CDH4: variants seen among roughly 807,000 people sequenced by gnomAD.
CDH4 encodes the protein cadherin-4.
Under a neutral mutation model 86.0 loss-of-function variants are expected in CDH4, and 33 were observed. That is an observed-to-expected ratio of 0.38 (90% confidence interval 0.29 to 0.51). CDH4 has a LOEUF of 0.51. Ranked by LOEUF, CDH4 falls within the 20% of genes least tolerant of loss-of-function variation. The pLI is 0.86. For missense variants in CDH4, 1,114 were observed against 1,307.4 expected (o/e 0.85, Z 2.28); for synonymous variants, 555 against 549.4 (o/e 1.01, Z -0.14).
chr20:61,752,329 C>CAAAAA (rs34828485), intron 3 of CDH4, among the ~76,000 whole-genome samples: 7 of 83,082 alleles, frequency 8.4e-5, no homozygotes, highest in Admixed American at 1.4e-4. Context: ...AAAAGCCTGT[C>CAAAAA]AAAAAAAAAA....
intron 8 of CDH4, among the ~76,000 whole-genome samples, chr20:61,900,102 A>G (rs1985316130): frequency 6.6e-6 from 1 of 151,378 alleles, no homozygotes; most frequent in Non-Finnish European, 1.5e-5. Context: ...GCTACTGGCC[A>G]GCCTCAGCGG....
At chr20:61,451,175 G>A (rs1444551531) in intron 2 of CDH4, among the ~76,000 whole-genome samples, 1 of 145,178 alleles carries the variant, frequency 6.9e-6, no homozygotes, top group Non-Finnish European at 1.5e-5. Context: ...TTCTTCAATA[G>A]AGTCTTGAGT....
chr20:61,635,829 G>GA (rs1212875819), intron 2 of CDH4, among the ~76,000 whole-genome samples: 1 of 152,210 alleles, frequency 6.6e-6, no homozygotes, highest in Non-Finnish European at 1.5e-5. Flanking sequence ...TGTGCTCCCA[G>GA]AGCCTGCCCG....
chr20:61,498,711 T>C (rs562798041), intron 2 of CDH4, among the ~76,000 whole-genome samples: 1 of 152,272 alleles, frequency 6.6e-6, no homozygotes, highest in African/African-American at 2.4e-5. Context: ...AGAGGAATTG[T>C]CTTGGGTCAC....
chr20:61,573,212 C>G (rs2252915), intron 2 of CDH4, among the ~76,000 whole-genome samples: 1 of 151,940 alleles, frequency 6.6e-6, no homozygotes, highest in African/African-American at 2.4e-5. Context: ...AGTGTTAAAG[C>G]CCAGAGAATA....
chr20:61,345,387 G>A (rs1393080630), intron 2 of CDH4, among the ~76,000 whole-genome samples: 4 of 152,200 alleles, frequency 2.6e-5, no homozygotes, highest in African/African-American at 9.7e-5. Context: ...TAAAAGCAGT[G>A]TTCGTTCTTG....
intron 2 of CDH4, among the ~76,000 whole-genome samples, chr20:61,281,120 A>T (rs1285380828): frequency 6.6e-6 from 1 of 152,340 alleles, no homozygotes. Flanking sequence ...AATTCGGGAC[A>T]GCCCAGACGG....
At chr20:61,305,320 A>C (rs1000607820) in intron 2 of CDH4, among the ~76,000 whole-genome samples, 1 of 152,122 alleles carries the variant, frequency 6.6e-6, no homozygotes, top group Non-Finnish European at 1.5e-5. Flanking sequence ...GCCGTATCTT[A>C]TGCAGCGACC....
At chr20:61,653,524 C>A (rs1178904299) in intron 2 of CDH4, among the ~76,000 whole-genome samples, 1 of 143,552 alleles carries the variant, frequency 7.0e-6, no homozygotes. Flanking sequence ...CGGGCAGAGG[C>A]GCCCCTCACC....
At chr20:61,522,935 C>T (rs533391655) in intron 2 of CDH4, among the ~76,000 whole-genome samples, 4 of 152,352 alleles carry the variant, frequency 2.6e-5, no homozygotes, top group South Asian at 4.1e-4. Context: ...ACAAAGCTGC[C>T]GACACGCAGG....
intron 2 of CDH4, among the ~76,000 whole-genome samples, chr20:61,353,391 C>A (rs954139688): frequency 6.6e-6 from 1 of 152,090 alleles, no homozygotes; most frequent in Non-Finnish European, 1.5e-5. Flanking sequence ...ATGTGCCAAG[C>A]CTTCGCGCAT....
At chr20:61,779,940 A>G (rs1489884721) in intron 4 of CDH4, among the ~76,000 whole-genome samples, 1 of 152,228 alleles carries the variant, frequency 6.6e-6, no homozygotes, top group African/African-American at 2.4e-5. Context: ...TTAGCAGTAT[A>G]ATTAGCACGG....
intron 2 of CDH4, among the ~76,000 whole-genome samples, chr20:61,586,808 CAGAG>C (rs1310224436): frequency 1.3e-5 from 2 of 152,154 alleles, no homozygotes; most frequent in Non-Finnish European, 2.9e-5. Flanking sequence ...GAGACACACA[CAGAG>C]AGAGACAGAG....
At chr20:61,795,649 C>A (rs1979495869) in intron 4 of CDH4, among the ~76,000 whole-genome samples, 1 of 152,124 alleles carries the variant, frequency 6.6e-6, no homozygotes, top group South Asian at 2.1e-4. Context: ...GGCAGGGAGG[C>A]CAGTAGGCCA....
rs945890767 is a variant in CDH4, at chr20:61,807,808, T to C, written c.576+34626T>C. On this transcript the variant is annotated intron_variant, in intron 4 of 15. Transcript: ENST00000614565. The surrounding 1 kb of genome is among the most constrained non-coding windows in gnomAD (Gnocchi z 4.5). The stretch of plus-strand genomic sequence containing the variant: ...AGGAAGGGAAGTGATAGGACGTCTC[T>C]GCACACAGCACATATCCATGCAGGA... 1.3e-5 allele frequency among the ~76,000 whole-genome samples: 2 copies of C among 152,216 alleles called. No homozygotes were observed. The highest frequency in any genetic ancestry group is 2.9e-5 in the Non-Finnish European group (2 of 68,020).
intron 2 of CDH4, among the ~76,000 whole-genome samples, chr20:61,305,362 G>T (rs1420895294): frequency 6.6e-6 from 1 of 152,160 alleles, no homozygotes; most frequent in Non-Finnish European, 1.5e-5. Flanking sequence ...TGATCAGTGT[G>T]CTGTGAACCC....
chr20:61,283,560 A>AGG (rs2084276259), intron 2 of CDH4, among the ~76,000 whole-genome samples: 2 of 116,850 alleles, frequency 1.7e-5, no homozygotes, highest in Non-Finnish European at 3.6e-5. Flanking sequence ...GTGGTGTGTG[A>AGG]TGTAGGTGCA....
intron 2 of CDH4, among the ~76,000 whole-genome samples, chr20:61,489,684 A>T (rs6121643): frequency 6.6e-6 from 1 of 152,242 alleles, no homozygotes; most frequent in Non-Finnish European, 1.5e-5. Flanking sequence ...CTTTGCACGC[A>T]TTAAGCAATT....
intron 2 of CDH4, among the ~76,000 whole-genome samples, chr20:61,575,238 G>T (rs2086373719): frequency 6.6e-6 from 1 of 152,204 alleles, no homozygotes; most frequent in African/African-American, 2.4e-5. Flanking sequence ...CTTCAGTCAT[G>T]ATGGCAGCAA....
Sources: allele counts gnomAD v4.1 joint callset (sites outside exome capture counted in the v4.1 genomes callset), GRCh38; gene constraint gnomAD v4.1.1; non-coding constraint Gnocchi (gnomAD v3.1); transcripts MANE v1.5; gene names NCBI Gene and HGNC (gene_info 2026-07-23, HGNC 2026-07-21).